The following TBCEL variants were observed in gnomAD, a reference collection of about 807,000 sequenced individuals.
TBCEL encodes tubulin-specific chaperone cofactor E-like protein.
In TBCEL, 15 loss-of-function variants were observed where a neutral mutation model predicts 44.2. That is an observed-to-expected ratio of 0.34 (90% confidence interval 0.23 to 0.52). TBCEL has a LOEUF of 0.52. TBCEL is among the 20% of genes least tolerant of loss of function. The probability of loss-of-function intolerance (pLI) is 0.95; values close to 1 mark genes in which losing one functional copy is unlikely to be tolerated. For missense variants in TBCEL, 319 were observed against 506.3 expected, an observed-to-expected ratio of 0.63 and a Z score of 3.55; for synonymous variants, 171 against 185.4, an observed-to-expected ratio of 0.92 and a Z score of 0.63.
intron 8 of TBCEL, among the ~76,000 whole-genome samples, chr11:121,081,322 C>A (rs1309668097): frequency 6.6e-6 from 1 of 152,156 alleles, no homozygotes; most frequent in East Asian, 1.9e-4. Context: ...AACTTCTGAA[C>A]ACAAATACGG....
intron 8 of TBCEL, among the ~76,000 whole-genome samples, chr11:121,082,088 A>G (rs1946136140): frequency 6.6e-6 from 1 of 152,220 alleles, no homozygotes; most frequent in Non-Finnish European, 1.5e-5. Context: ...AGGGCTTTTT[A>G]TGCTTATTGT....
chr11:121,034,461 C>A (rs1329972495), intron 1 of TBCEL, among the ~76,000 whole-genome samples: 1 of 151,932 alleles, frequency 6.6e-6, no homozygotes, highest in Non-Finnish European at 1.5e-5. Context: ...GTATTCTAGC[C>A]GTAGCTATGA....
intron 4 of TBCEL, among the ~76,000 whole-genome samples, chr11:121,048,820 T>G (rs2134930391): frequency 6.6e-6 from 1 of 152,028 alleles, no homozygotes; most frequent in South Asian, 2.1e-4. Flanking sequence ...AAACTCAAAA[T>G]AAAAAGCTTC....
intron 8 of TBCEL, among the ~76,000 whole-genome samples, chr11:121,061,673 C>G (rs918821253): frequency 6.6e-6 from 1 of 151,962 alleles, no homozygotes; most frequent in Non-Finnish European, 1.5e-5. Flanking sequence ...AAACATAGAA[C>G]AGGTACAGTG....
chr11:121,026,899 T>G (rs1029089082), intron 1 of TBCEL, among the ~76,000 whole-genome samples: 8 of 152,176 alleles, frequency 5.3e-5, no homozygotes, highest in African/African-American at 1.9e-4. Context: ...CCCTGAGTGA[T>G]TGTGTGTGCT....
At chr11:121,069,518 C>A (rs550430018) in intron 8 of TBCEL, among the ~76,000 whole-genome samples, 17 of 152,238 alleles carry the variant, frequency 1.1e-4, no homozygotes, top group African/African-American at 3.9e-4. Context: ...GAGCTGGGCA[C>A]AGTGGCTCAC....
chr11:121,048,212 C>CAT (rs1175751358), intron 4 of TBCEL, among the ~76,000 whole-genome samples: 1 of 151,696 alleles, frequency 6.6e-6, no homozygotes, highest in African/African-American at 2.4e-5. Context: ...TGAAAATTGA[C>CAT]ATAAAATTGT....
chr11:121,058,544 T>C (rs1293994666), intron 7 of TBCEL, 73 bp downstream of exon 7: 2 of 1,548,986 alleles, frequency 1.3e-6, no homozygotes, highest in Non-Finnish European at 1.8e-6. Context: ...ATGCACTGTT[T>C]AGTGGGAGTG....
chr11:121,058,953 C>T (rs1406652253), intron 7 of TBCEL, among the ~76,000 whole-genome samples: 1 of 151,958 alleles, frequency 6.6e-6, no homozygotes, highest in Non-Finnish European at 1.5e-5. Context: ...TTCTGTCTGA[C>T]TCCCCTTGCC....
intron 7 of TBCEL, 72 bp downstream of exon 7, chr11:121,058,543 T>C: frequency 6.4e-7 from 1 of 1,551,000 alleles, no homozygotes; most frequent in Non-Finnish European, 8.9e-7. Context: ...AATGCACTGT[T>C]TAGTGGGAGT....
At chr11:121,051,747 T>A (rs189233104) in intron 4 of TBCEL, among the ~76,000 whole-genome samples, 2 of 151,940 alleles carry the variant, frequency 1.3e-5, no homozygotes, top group African/African-American at 4.8e-5. Context: ...TTTCTTCATT[T>A]GTAAAATGAG....
Position 121,039,072 on chromosome 11 carries a change from A to G in TBCEL, c.-18+2460A>G, listed in dbSNP as rs1303510314. Among the ~76,000 whole-genome samples the G allele has an allele frequency of 2.0e-5, 3 of 152,190 alleles. No individual in the cohort carries two copies. The East Asian group carries it at 5.8e-4, about 29-fold the overall frequency. ...ATCTCTCAGAATTTTTCTTAGTTTT[A>G]TCTTTGCAGGATAAAGTCTAGACCA... On this transcript the variant is annotated intron_variant, in intron 2 of 8. Coordinates refer to ENST00000683345, the MANE Select transcript of TBCEL (RefSeq NM_001363644.2).
intron 2 of TBCEL, among the ~76,000 whole-genome samples, chr11:121,042,801 C>T (rs1303211722): frequency 1.3e-5 from 2 of 152,074 alleles, no homozygotes; most frequent in Non-Finnish European, 2.9e-5. Context: ...TATATTCATA[C>T]TTTTTTCAAA....
chr11:121,053,200 C>G (rs1591395539), intron 4 of TBCEL, among the ~76,000 whole-genome samples: 3 of 151,996 alleles, frequency 2.0e-5, no homozygotes, highest in South Asian at 4.1e-4. Flanking sequence ...CTAATCTCAG[C>G]TCTTTAAGAA....
chr11:121,082,058 A>T (rs888638783), intron 8 of TBCEL, among the ~76,000 whole-genome samples: 1 of 152,246 alleles, frequency 6.6e-6, no homozygotes, highest in Non-Finnish European at 1.5e-5. Flanking sequence ...TTGAAAAGTT[A>T]TGAAGGAACC....
chr11:121,079,889 A>G (rs1202534892), intron 8 of TBCEL, among the ~76,000 whole-genome samples: 1 of 152,114 alleles, frequency 6.6e-6, no homozygotes, highest in Non-Finnish European at 1.5e-5. Flanking sequence ...ATCTCGGCTC[A>G]CTGCAACCTC....
intron 4 of TBCEL, among the ~76,000 whole-genome samples, chr11:121,051,789 T>A (rs1945533777): frequency 1.3e-5 from 2 of 151,794 alleles, no homozygotes. Context: ...ATAGGGTTAG[T>A]GTGTGGAATA....
At chr11:121,050,424 A>G (rs576157257) in intron 4 of TBCEL, among the ~76,000 whole-genome samples, 4 of 151,900 alleles carry the variant, frequency 2.6e-5, no homozygotes, top group Admixed American at 1.3e-4. Flanking sequence ...GCTGGCTGCT[A>G]TATATCCAGA....
At chr11:121,064,290 C>T (rs1366020441) in intron 8 of TBCEL, among the ~76,000 whole-genome samples, 1 of 152,158 alleles carries the variant, frequency 6.6e-6, no homozygotes, top group African/African-American at 2.4e-5. Flanking sequence ...CACTTTTGTT[C>T]TTCAAGACCC....
Sources: gnomAD v4.1 joint callset for allele counts (sites outside exome capture counted in the v4.1 genomes callset) on GRCh38, gnomAD v4.1.1 for gene constraint, MANE v1.5 for transcripts, NCBI Gene and HGNC (gene_info 2026-07-23, HGNC 2026-07-21) for gene names.